Variants in NFASC observed in about 807,000 individuals in gnomAD.
NFASC encodes neurofascin, also known as neurofascin homolog.
Under a neutral mutation model 147.5 loss-of-function variants are expected in NFASC, and 43 were observed. The observed-to-expected ratio is 0.29, with a 90% confidence interval of 0.23 to 0.38. The LOEUF is 0.38. NFASC is among the 10% of genes least tolerant of loss of function. NFASC has a pLI of 1.00. For synonymous variants in NFASC, 622 were observed against 665.5 expected (o/e 0.93, Z 1.01); for missense variants, 1,320 against 1,689.0 (o/e 0.78, Z 3.83).
intron 1 of NFASC, among the ~76,000 whole-genome samples, chr1:204,913,118 A>C (rs1313501749): frequency 6.6e-6 from 1 of 150,900 alleles, no homozygotes; most frequent in Non-Finnish European, 1.5e-5. Context: ...AAAATAGCTT[A>C]ATGAACAATC....
chr1:204,954,910 C>A lies in NFASC; in HGVS notation c.494C>A (p.Pro165Gln). The part of the protein sequence containing the change: ...GAPLTLQCNP[P>Q]PGLPSPVIFW... ...CCTTTGACGCTCCAGTGCAACCCCC[C>A]GCCTGGACTTCCATCCCCGGTCATC... Residue 165 changes from proline (P) to glutamine (Q), a missense_variant, in exon 7 of 30, where the codon CCG becomes CAG. By Grantham distance (76) the Pro-to-Gln change is moderately conservative (BLOSUM62 -1). Coordinates refer to ENST00000339876, the MANE Select transcript of NFASC (RefSeq NM_001005388.3). This position sits in a 1 kb window ranked among gnomAD's most constrained non-coding sequence, Gnocchi z 5.7. 1 of 1,614,132 alleles carries A rather than the reference C, an allele frequency of 6.2e-7. No individual in the cohort carries two copies. The highest frequency in any genetic ancestry group is 8.5e-7 in the Non-Finnish European group (1 of 1,180,016).
At chr1:204,995,794 C>A (rs559074351) in intron 24 of NFASC, among the ~76,000 whole-genome samples, 2 of 152,146 alleles carry the variant, frequency 1.3e-5, no homozygotes, top group South Asian at 4.2e-4. Context: ...TTCACTCTCC[C>A]TTAAAAAAAG....
At chr1:204,925,216 C>G (rs2091276323) in intron 2 of NFASC, among the ~76,000 whole-genome samples, 1 of 152,212 alleles carries the variant, frequency 6.6e-6, no homozygotes, top group African/African-American at 2.4e-5. Flanking sequence ...AGGTGCTATA[C>G]ATGTACATTA....
chr1:204,882,068 G>A (rs766051109), intron 1 of NFASC, among the ~76,000 whole-genome samples: 1 of 151,934 alleles, frequency 6.6e-6, no homozygotes, highest in Non-Finnish European at 1.5e-5. Context: ...ACTCACCCAC[G>A]CTGTATTCAG....
intron 3 of NFASC, among the ~76,000 whole-genome samples, chr1:204,947,902 TCACTCATGCA>T (rs2093869444): frequency 6.6e-6 from 1 of 151,714 alleles, no homozygotes; most frequent in Non-Finnish European, 1.5e-5. Context: ...TCACACCTGC[TCACTCATGCA>T]CACTCACACC....
rs1162020795 is a variant in NFASC, at chr1:204,861,078, C to CTT, written c.-200+32322_-200+32323dup. 2.3e-3 allele frequency among the ~76,000 whole-genome samples: 160 copies of CTT among 68,946 alleles called. 31 individuals are homozygous for CTT. Among genetic ancestry groups the CTT allele is most frequent in the African/African-American group, 9.9e-3 (122 of 12,358 alleles). 45.2% of individuals were successfully genotyped at this position (68,946 alleles called of 152,430 possible). ...AGTTTTAGTTTGAATACTTGCTTTCCTTTTTTTTTTTTTTTTTTTTTTTTT... is the reference window on the plus strand; with the variant it reads ...AGTTTTAGTTTGAATACTTGCTTTCCTTTTTTTTTTTTTTTTTTTTTTTTTTT... On this transcript the variant is annotated intron_variant, in intron 1 of 29. Transcript: ENST00000339876.
chr1:204,968,979 A>G lies in NFASC; in HGVS notation c.1000A>G (p.Lys334Glu). The G allele has an allele frequency of 6.2e-7, 1 of 1,613,100 alleles. No individual in the cohort carries two copies. Among genetic ancestry groups the G allele is most frequent in the Middle Eastern group, 1.7e-4 (1 of 5,968 alleles). The change falls in exon 10 of 30, where the codon AAG (lysine) becomes GAG (glutamate). Residue 334 changes from lysine to glutamate, a missense_variant. Around this residue, in one of 3 missense-constraint regions of NFASC, gnomAD observed 981 missense variants for 1,289.5 expected, o/e 0.76. Transcript: ENST00000339876. This position sits in a 1 kb window ranked among gnomAD's most constrained non-coding sequence, Gnocchi z 5.4. ...CCGGCACACGATCTCGGTGAGAGTA[A>G]AGGGTACGTTGTGTGTATTTATCAT... is the stretch of plus-strand genomic sequence containing the variant. ...SIRHTISVRV[K>E]AAPYWLDEPK... is the part of the protein sequence containing the mutation.
intron 1 of NFASC, among the ~76,000 whole-genome samples, chr1:204,860,832 T>C (rs531366676): frequency 1.3e-5 from 2 of 152,310 alleles, no homozygotes; most frequent in East Asian, 1.9e-4. Context: ...AGTGGAATCA[T>C]ATAATATATG....
chr1:205,015,023 G>T lies in NFASC; in HGVS notation c.3492-1285G>T, dbSNP rs931114048. On this transcript the variant is annotated intron_variant, in intron 29 of 29. Transcript: ENST00000339876. The surrounding 1 kb of genome is among the most constrained non-coding windows in gnomAD (Gnocchi z 4.0). The stretch of plus-strand genomic sequence containing the variant: ...CCACGAATACAGTTAGGCTGTATTC[G>T]TGGGGCAGCACTGTGGGGAGTGGGC... 6.6e-6 allele frequency among the ~76,000 whole-genome samples: 1 copy of T among 152,068 alleles called. No homozygotes were observed. Among genetic ancestry groups the T allele is most frequent in the South Asian group, 2.1e-4 (1 of 4,818 alleles).
chr1:204,970,830 G>A, intron 11 of NFASC, 83 bp downstream of exon 11: 5 of 1,555,372 alleles, frequency 3.2e-6, no homozygotes, highest in Non-Finnish European at 4.4e-6. Context: ...AGCCAGTGCT[G>A]GTCACACTAG....
intron 1 of NFASC, among the ~76,000 whole-genome samples, chr1:204,865,270 A>G (rs1198662833): frequency 6.6e-6 from 1 of 152,226 alleles, no homozygotes; most frequent in Non-Finnish European, 1.5e-5. Context: ...TAACAGATTA[A>G]CAGCAATAAC....
At chr1:204,915,712 AATATT>A (rs759345089) in intron 1 of NFASC, among the ~76,000 whole-genome samples, 1 of 152,230 alleles carries the variant, frequency 6.6e-6, no homozygotes, top group Non-Finnish European at 1.5e-5. Context: ...GCACAGTCTA[AATATT>A]CAAGGGGTAG....
chr1:204,957,630 G>A lies in NFASC; in HGVS notation c.536-26G>A, dbSNP rs764089466. On this transcript the variant is annotated intron_variant, in intron 7 of 29. Coordinates refer to ENST00000339876, the MANE Select transcript of NFASC (RefSeq NM_001005388.3). ...TGATTACTGTTATTACTACTAACCT[G>A]CTGCCGTACCTCTGCTTTCTTATAG... 9 of 1,611,492 alleles carry A rather than the reference G, an allele frequency of 5.6e-6. No individual in the cohort carries two copies. The East Asian group carries it at 1.8e-4, about 32-fold the overall frequency.
chr1:204,896,968 A>G (rs899338984), intron 1 of NFASC, among the ~76,000 whole-genome samples: 5 of 152,292 alleles, frequency 3.3e-5, no homozygotes, highest in Admixed American at 3.3e-4. Context: ...GTAGGTATGC[A>G]AAGGGGCCTT....
intron 1 of NFASC, among the ~76,000 whole-genome samples, chr1:204,860,565 G>T (rs2076571254): frequency 6.6e-6 from 1 of 151,978 alleles, no homozygotes; most frequent in South Asian, 2.1e-4. Context: ...TTTTTTCTTT[G>T]GGGAAAAAGG....
chr1:204,929,873 A>C (rs2092180312), intron 2 of NFASC, among the ~76,000 whole-genome samples: 2 of 152,300 alleles, frequency 1.3e-5, no homozygotes, highest in South Asian at 2.1e-4. Context: ...TAGGAGACTC[A>C]TAGTTCTGGC....
intron 1 of NFASC, among the ~76,000 whole-genome samples, chr1:204,869,224 T>C (rs1042082810): frequency 1.3e-5 from 2 of 152,070 alleles, no homozygotes; most frequent in African/African-American, 4.8e-5. Context: ...TGAAGAGGCA[T>C]CACAACATGA....
In NFASC at chr1:204,932,214, C is replaced by G. The variant is rs566186284; in HGVS notation, c.-91+11474C>G. On this transcript the variant is annotated intron_variant, in intron 2 of 29. Transcript: ENST00000339876. ...CACTTGAGTTTGTCAGGAAGGAATG[C>G]ACTAAGAAAAAGTAAAAACAGCTTT... Among the ~76,000 whole-genome samples, 13 of 152,196 alleles carry G rather than the reference C, an allele frequency of 8.5e-5. No homozygotes were observed. In the South Asian group the frequency reaches 2.7e-3, roughly 32 times the overall value.
intron 21 of NFASC, among the ~76,000 whole-genome samples, chr1:204,985,449 C>A (rs1194078262): frequency 6.6e-6 from 1 of 152,226 alleles, no homozygotes; most frequent in Non-Finnish European, 1.5e-5. Flanking sequence ...TGCTACCTTT[C>A]AACTGCTGCC....
Sources: allele counts gnomAD v4.1 joint callset (sites outside exome capture counted in the v4.1 genomes callset), GRCh38; gene constraint gnomAD v4.1.1; regional missense constraint gnomAD v4.1.1; non-coding constraint Gnocchi (gnomAD v3.1); transcripts MANE v1.5; gene names NCBI Gene and HGNC (gene_info 2026-07-23, HGNC 2026-07-21).